Variants in INPP4B observed in about 807,000 individuals in gnomAD.
The protein encoded by INPP4B is inositol polyphosphate-4-phosphatase type II B.
A neutral mutation model predicts 122.5 loss-of-function variants in INPP4B; 55 were observed. The ratio of observed to expected loss-of-function variants is 0.45; its 90% CI spans 0.36 to 0.56. The LOEUF is 0.56. Ranked by LOEUF, INPP4B falls within the 20% of genes least tolerant of loss-of-function variation. The pLI, the probability that INPP4B is intolerant of heterozygous loss-of-function variation, is 0.00. For synonymous variants in INPP4B, 403 were observed against 388.7 expected (o/e 1.04, Z -0.43); for missense variants, 1,000 against 1,097.7 (o/e 0.91, Z 1.26).
At chr4:142,116,082 T>C (rs972157952) in intron 21 of INPP4B, among the ~76,000 whole-genome samples, 1 of 152,006 alleles carries the variant, frequency 6.6e-6, no homozygotes, top group South Asian at 2.1e-4. Flanking sequence ...TACATAATGG[T>C]AAAGGGATCA....
intron 1 of INPP4B, among the ~76,000 whole-genome samples, chr4:142,752,702 C>T (rs987616601): frequency 1.3e-5 from 2 of 152,006 alleles, no homozygotes; most frequent in East Asian, 1.9e-4. Flanking sequence ...CACATAGCAT[C>T]GTATTTTACA....
At chr4:142,647,544 G>A (rs1237372327) in intron 2 of INPP4B, among the ~76,000 whole-genome samples, 1 of 152,170 alleles carries the variant, frequency 6.6e-6, no homozygotes, top group African/African-American at 2.4e-5. Flanking sequence ...CCAATTGTGT[G>A]TGGAGAAATA....
intron 11 of INPP4B, among the ~76,000 whole-genome samples, chr4:142,242,338 C>T (rs1197775319): frequency 6.6e-6 from 1 of 152,144 alleles, no homozygotes; most frequent in Non-Finnish European, 1.5e-5. Context: ...ACCCTGAATG[C>T]AGCCAAACCC....
chr4:142,218,287 A>C (rs1402053611), intron 12 of INPP4B, among the ~76,000 whole-genome samples: 1 of 152,216 alleles, frequency 6.6e-6, no homozygotes, highest in Non-Finnish European at 1.5e-5. Context: ...TTCAAAAGAA[A>C]AACAACTATA....
At chr4:142,477,522 GA>G (rs775969899) in intron 2 of INPP4B, among the ~76,000 whole-genome samples, 14 of 151,270 alleles carry the variant, frequency 9.3e-5, no homozygotes, top group Admixed American at 2.0e-4. Flanking sequence ...AAGAATAAAG[GA>G]CCACTTACTA....
At chr4:142,237,720 G>A (rs888232748) in intron 12 of INPP4B, 144 bp downstream of exon 12, 5 of 473,256 alleles carry the variant, frequency 1.1e-5, no homozygotes, top group African/African-American at 9.9e-5. Context: ...GTGAGGTAAG[G>A]CAAATGTTAA....
At chr4:142,765,346 T>C (rs1771954772) in intron 1 of INPP4B, among the ~76,000 whole-genome samples, 1 of 152,108 alleles carries the variant, frequency 6.6e-6, no homozygotes, top group South Asian at 2.1e-4. Flanking sequence ...AAAATAAAAT[T>C]ACACAAGAGT....
At position 142,734,703 on chromosome 4, in the gene INPP4B, T is replaced by C. The variant is rs112675187; in HGVS notation, c.-253-8802A>G. Among the ~76,000 whole-genome samples, 1,448 of 152,258 alleles carry C rather than the reference T, an allele frequency of 9.5e-3. 28 individuals are homozygous for C. Among genetic ancestry groups the C allele is most frequent in the African/African-American group, 0.032 (1,348 of 41,548 alleles). On this transcript the variant is annotated intron_variant, in intron 1 of 25. Coordinates refer to ENST00000262992, the MANE Select transcript of INPP4B (RefSeq NM_001101669.3). ...CCTTGTTGCCCAGGCTGGAGTGCAA[T>C]AGGGCGATCTCGGCTCACTGCAACC...
intron 5 of INPP4B, among the ~76,000 whole-genome samples, chr4:142,413,622 G>A (rs1353643662): frequency 6.6e-6 from 1 of 152,148 alleles, no homozygotes; most frequent in Admixed American, 6.5e-5. Context: ...ATATGTACCA[G>A]GAAGTATTGG....
At chr4:142,137,433 T>C (rs766809492) in intron 18 of INPP4B, among the ~76,000 whole-genome samples, 1,429 of 101,500 alleles carry the variant, frequency 0.014, 16 homozygotes, top group Non-Finnish European at 0.024. Flanking sequence ...ATAAAAACCC[T>C]AGAAGAAAAC....
chr4:142,388,485 G>A (rs1000044694), intron 7 of INPP4B, among the ~76,000 whole-genome samples: 5 of 151,844 alleles, frequency 3.3e-5, no homozygotes, highest in East Asian at 1.9e-4. Flanking sequence ...CTAGTAGCCC[G>A]GGTCTCCTTA....
chr4:142,741,909 G>T (rs576434012), intron 1 of INPP4B, among the ~76,000 whole-genome samples: 1 of 151,778 alleles, frequency 6.6e-6, no homozygotes, highest in East Asian at 1.9e-4. Context: ...CTTAAATTTT[G>T]TCATCTAGAA....
intron 2 of INPP4B, among the ~76,000 whole-genome samples, chr4:142,504,707 T>A (rs1335406578): frequency 6.6e-6 from 1 of 152,144 alleles, no homozygotes; most frequent in East Asian, 1.9e-4. Flanking sequence ...CTAGAAGTAT[T>A]TTCATACTAT....
At chr4:142,189,766 A>C (rs1579227604) in intron 15 of INPP4B, among the ~76,000 whole-genome samples, 1 of 152,198 alleles carries the variant, frequency 6.6e-6, no homozygotes, top group African/African-American at 2.4e-5. Context: ...TAGAAACAAC[A>C]ATAGAAGAAG....
At chr4:142,795,534 T>C (rs1030516156) in intron 1 of INPP4B, 2 of 152,038 alleles carry the variant, frequency 1.3e-5, no homozygotes, top group African/African-American at 4.8e-5. Flanking sequence ...CCTCTTAATG[T>C]CCTTGGGCTG....
At chr4:142,830,574 A>G (rs1433378641) in intron 1 of INPP4B, among the ~76,000 whole-genome samples, 2 of 152,118 alleles carry the variant, frequency 1.3e-5, no homozygotes, top group Non-Finnish European at 2.9e-5. Flanking sequence ...TGCTGGAAGA[A>G]AAGAGGCAGA....
chr4:142,372,219 G>A (rs976185614), intron 7 of INPP4B, among the ~76,000 whole-genome samples: 1 of 152,044 alleles, frequency 6.6e-6, no homozygotes, highest in Non-Finnish European at 1.5e-5. Flanking sequence ...TCCTATATGG[G>A]TGATAAAATA....
chr4:142,172,376 C>A (rs1826039083), intron 16 of INPP4B, among the ~76,000 whole-genome samples: 1 of 151,850 alleles, frequency 6.6e-6, no homozygotes, highest in Non-Finnish European at 1.5e-5. Context: ...CTCCATAATT[C>A]TGATGATTAA....
At chr4:142,323,660 T>C (rs866390636) in intron 7 of INPP4B, among the ~76,000 whole-genome samples, 1 of 151,930 alleles carries the variant, frequency 6.6e-6, no homozygotes. Context: ...TTAGCCAGGA[T>C]GGTCTCAATC....
Sources: allele counts gnomAD v4.1 joint callset (sites outside exome capture counted in the v4.1 genomes callset), GRCh38; gene constraint gnomAD v4.1.1; transcripts MANE v1.5; gene names NCBI Gene and HGNC (gene_info 2026-07-23, HGNC 2026-07-21).